Variants in ZMYM2 observed in about 807,000 individuals in gnomAD.
ZMYM2 encodes the protein zinc finger MYM-type protein 2.
In ZMYM2, 56 loss-of-function variants were observed where a neutral mutation model predicts 162.8. The ratio of observed to expected loss-of-function variants is 0.34; its 90% CI spans 0.28 to 0.43. The LOEUF is 0.43. Among genes scored for constraint, ZMYM2 ranks in the 20% least tolerant of loss-of-function variants. The pLI, the probability that ZMYM2 is intolerant of heterozygous loss-of-function variation, is 1.00. For missense variants in ZMYM2, 1,275 were observed against 1,621.8 expected (o/e 0.79, Z 3.67); for synonymous variants, 510 against 541.6 (o/e 0.94, Z 0.81).
chr13:19,893,463 C>T, the ZMYM2 span, among the ~76,000 whole-genome samples: 1 of 151,882 alleles, frequency 6.6e-6, no homozygotes, highest in African/African-American at 2.4e-5. Flanking sequence ...ATAGTCCAGG[C>T]ACGGTGGCTC....
intron 2 of ZMYM2, among the ~76,000 whole-genome samples, chr13:19,968,176 T>G (rs746751123): frequency 1.3e-5 from 2 of 152,212 alleles, no homozygotes; most frequent in Non-Finnish European, 2.9e-5. Flanking sequence ...CTGTAACATT[T>G]AAAATTTTTG....
At chr13:20,018,032 A>G (rs1951767855) in intron 6 of ZMYM2, among the ~76,000 whole-genome samples, 1 of 152,066 alleles carries the variant, frequency 6.6e-6, no homozygotes, top group African/African-American at 2.4e-5. Flanking sequence ...CGGCCTCTCT[A>G]CTTGGCCTCT....
intron 14 of ZMYM2, among the ~76,000 whole-genome samples, chr13:20,053,629 G>T (rs759175179): frequency 1.3e-4 from 20 of 152,058 alleles, no homozygotes; most frequent in Non-Finnish European, 2.2e-4. Flanking sequence ...TCCAGCCTGG[G>T]TAATAAGAGT....
chr13:19,985,708 G>GAA (rs796242960), intron 2 of ZMYM2, among the ~76,000 whole-genome samples: 1,982 of 139,736 alleles, frequency 0.014, 37 homozygotes, highest in African/African-American at 0.048. Flanking sequence ...TCTCAAAAAG[G>GAA]AAAAAAAAAA....
At chr13:19,925,138 C>A in the ZMYM2 span, among the ~76,000 whole-genome samples, 1 of 152,086 alleles carries the variant, frequency 6.6e-6, no homozygotes, top group Admixed American at 6.6e-5. Flanking sequence ...CCTGCCTTGG[C>A]CTCCCAAAGT....
At chr13:20,017,224 G>A (rs1951702059) in intron 6 of ZMYM2, among the ~76,000 whole-genome samples, 1 of 152,184 alleles carries the variant, frequency 6.6e-6, no homozygotes, top group African/African-American at 2.4e-5. Context: ...AGGGTGCTGG[G>A]GTGAGGCATC....
the ZMYM2 span, among the ~76,000 whole-genome samples, chr13:19,913,681 C>T: frequency 1.8e-4 from 27 of 152,256 alleles, no homozygotes; most frequent in Non-Finnish European, 2.9e-4. Flanking sequence ...GCCAAGATCT[C>T]GCCACTGCAT....
the ZMYM2 span, among the ~76,000 whole-genome samples, chr13:19,952,780 A>G: frequency 6.6e-6 from 1 of 152,288 alleles, no homozygotes; most frequent in South Asian, 2.1e-4. Flanking sequence ...TTTTCCTTTA[A>G]GGGTCTAGGA....
rs1200352509 is a variant in ZMYM2, at chr13:20,049,172, CACTT to C, written c.2293-2257_2293-2254del. Among the ~76,000 whole-genome samples the C allele has an allele frequency of 2.4e-3, 56 of 23,064 alleles. 1 individual carries two copies. In the Admixed American group the frequency reaches 0.028, roughly 12 times the overall value. The allele number at this position is 23,064 out of a possible 152,430, so 15.1% of individuals were successfully genotyped here. The stretch of plus-strand genomic sequence containing the variant: ...GTTGGAATTATTAGTATTGAGTTCT[CACTT>C]ACTGTTTTTTCATGCTGAAAAAATA... On this transcript the variant is annotated intron_variant, in intron 12 of 24. Coordinates refer to ENST00000610343, the MANE Select transcript of ZMYM2 (RefSeq NM_197968.4).
the ZMYM2 span, among the ~76,000 whole-genome samples, chr13:19,940,083 A>T: frequency 6.6e-6 from 1 of 152,242 alleles, no homozygotes. Flanking sequence ...AACATATCTA[A>T]GTATAGAATC....
chr13:19,871,409 A>ATTTTAT, the ZMYM2 span, among the ~76,000 whole-genome samples: 2,546 of 152,056 alleles, frequency 0.017, 58 homozygotes, highest in African/African-American at 0.056. Flanking sequence ...TTTTGTTTTT[A>ATTTTAT]TTTTATTTTT....
chr13:20,001,761 G>T (rs891498151), intron 3 of ZMYM2, among the ~76,000 whole-genome samples: 4 of 152,218 alleles, frequency 2.6e-5, no homozygotes, highest in Non-Finnish European at 5.9e-5. Flanking sequence ...ATCGTGATCA[G>T]TCAGCAGCTA....
At chr13:20,071,723 G>A (rs1290341614) in intron 21 of ZMYM2, 4 of 168,098 alleles carry the variant, frequency 2.4e-5, no homozygotes, top group Non-Finnish European at 3.9e-5. Flanking sequence ...TCAGCTTTAG[G>A]AAGTTGGCAT....
At chr13:19,987,128 A>AT (rs1949218642) in intron 2 of ZMYM2, among the ~76,000 whole-genome samples, 1 of 151,414 alleles carries the variant, frequency 6.6e-6, no homozygotes, top group Non-Finnish European at 1.5e-5. Context: ...AAAAAAAAAA[A>AT]AAAAAAAAAA....
At chr13:19,997,818 C>T (rs1421513081) in intron 3 of ZMYM2, among the ~76,000 whole-genome samples, 2 of 152,120 alleles carry the variant, frequency 1.3e-5, no homozygotes, top group Non-Finnish European at 2.9e-5. Flanking sequence ...CCATTCCTGC[C>T]ATTCCTTTTA....
intron 2 of ZMYM2, among the ~76,000 whole-genome samples, chr13:19,983,456 A>G (rs1302381534): frequency 6.6e-6 from 1 of 151,754 alleles, no homozygotes; most frequent in Non-Finnish European, 1.5e-5. Flanking sequence ...TCACATTTTT[A>G]TATTTCTTCA....
At chr13:19,923,217 C>T in the ZMYM2 span, among the ~76,000 whole-genome samples, 1 of 148,262 alleles carries the variant, frequency 6.7e-6, no homozygotes, top group Admixed American at 6.7e-5. Flanking sequence ...ATTAACCAGG[C>T]CTGATGGCGG....
intron 2 of ZMYM2, among the ~76,000 whole-genome samples, chr13:19,963,750 T>C (rs976914492): frequency 6.6e-6 from 1 of 151,842 alleles, no homozygotes; most frequent in African/African-American, 2.4e-5. Flanking sequence ...GATATATTAA[T>C]TTTTTTTGGA....
At chr13:20,016,058 C>T (rs977934353) in intron 6 of ZMYM2, among the ~76,000 whole-genome samples, 15 of 151,648 alleles carry the variant, frequency 9.9e-5, no homozygotes, top group Non-Finnish European at 1.5e-4. Context: ...TATTTTTTTT[C>T]GGTATATTCT....
Sources: allele counts gnomAD v4.1 joint callset (sites outside exome capture counted in the v4.1 genomes callset), GRCh38; gene constraint gnomAD v4.1.1; transcripts MANE v1.5; gene names NCBI Gene and HGNC (gene_info 2026-07-23, HGNC 2026-07-21).